Variants in EHMT1 observed in about 807,000 individuals in gnomAD.
EHMT1 encodes the protein histone-lysine N-methyltransferase EHMT1.
In EHMT1, 15 loss-of-function variants were observed where a neutral mutation model predicts 147.2. That is an observed-to-expected ratio of 0.10 (90% confidence interval 0.07 to 0.16). The LOEUF (loss-of-function observed/expected upper bound fraction) is 0.16, where lower values mean the gene tolerates loss of function less well. Ranked by LOEUF, EHMT1 falls within the 10% of genes least tolerant of loss-of-function variation. The pLI, the probability that EHMT1 is intolerant of heterozygous loss-of-function variation, is 1.00. For synonymous variants in EHMT1, 795 were observed against 709.6 expected (o/e 1.12, Z -1.91); for missense variants, 1,587 against 1,772.4 (o/e 0.90, Z 1.88).
rs748761329 is a variant in EHMT1, at chr9:137,762,828, C to A, written c.1647+8C>A. Reference sequence around the variant, plus strand: ...GAGAGCGTGGACCATGAAGTAAGCACGTTTGTTTTCATTTAAAGCAGCCAC... The same window carrying A: ...GAGAGCGTGGACCATGAAGTAAGCAAGTTTGTTTTCATTTAAAGCAGCCAC... On this transcript the variant is annotated splice_region_variant and intron_variant, in intron 10 of 26. Transcript: ENST00000460843. 4 of 1,613,960 alleles carry A rather than the reference C, an allele frequency of 2.5e-6. No individual in the cohort carries two copies. The highest frequency in any genetic ancestry group is 2.2e-5 in the East Asian group (1 of 44,890).
intron 3 of EHMT1, among the ~76,000 whole-genome samples, chr9:137,719,681 C>T (rs1190193782): frequency 6.6e-6 from 1 of 152,228 alleles, no homozygotes; most frequent in African/African-American, 2.4e-5. Flanking sequence ...CAATGTCAGA[C>T]CCAGGATGCT....
chr9:137,759,716 C>T (rs1301594394), intron 9 of EHMT1, among the ~76,000 whole-genome samples: 1 of 152,222 alleles, frequency 6.6e-6, no homozygotes, highest in Non-Finnish European at 1.5e-5. Flanking sequence ...TGATGTAGAT[C>T]ATCAGTGTGT....
chr9:137,711,595 G>T (rs1336968379), intron 2 of EHMT1, among the ~76,000 whole-genome samples: 1 of 152,206 alleles, frequency 6.6e-6, no homozygotes. Context: ...GGAGGGAGTG[G>T]TGTGGAAGCA....
intron 22 of EHMT1, chr9:137,815,733 G>A: frequency 1.7e-6 from 1 of 605,004 alleles, no homozygotes. Context: ...CGCTCCAGGG[G>A]GTCTCCACAA....
At chr9:137,817,665 C>T (rs1383404272) in intron 24 of EHMT1, 140 bp downstream of exon 24, 2 of 1,101,934 alleles carry the variant, frequency 1.8e-6, no homozygotes, top group East Asian at 5.1e-5. Flanking sequence ...CACAGAGACC[C>T]TGGCCCCGAG....
At chr9:137,701,625 ATTTT>A (rs139537570) in intron 1 of EHMT1, among the ~76,000 whole-genome samples, 6 of 115,608 alleles carry the variant, frequency 5.2e-5, no homozygotes, top group African/African-American at 1.1e-4. Context: ...TGCCTGGCTA[ATTTT>A]TTTTTTTTTT....
rs376101802 is a variant in EHMT1, at chr9:137,781,113, A to G, written c.2276-1178A>G. ...GCTGGGATGTGTGGTGATGACGCTG[A>G]GATGTGTGGTGATGACGGCATCACT... is the stretch of plus-strand genomic sequence containing the variant. On this transcript the variant is annotated intron_variant, in intron 14 of 26. Coordinates refer to ENST00000460843, the MANE Select transcript of EHMT1 (RefSeq NM_024757.5). Among the ~76,000 whole-genome samples the G allele has an allele frequency of 3.8e-3, 75 of 19,590 alleles. 4 individuals carry two copies. Among genetic ancestry groups the G allele is most frequent in the African/African-American group, 0.012 (22 of 1,854 alleles). 12.9% of individuals were successfully genotyped at this position (19,590 alleles called of 152,430 possible).
In EHMT1 at chr9:137,743,371, C is replaced by G. The variant is rs772558779; in HGVS notation, c.824C>G (p.Ala275Gly). ...TTTTGACTTTTTTTTTTTTTTTTAG[C>G]TTGCTTGCCTTTTGTTTTAGCAGCT... ...CYMATTKSQT[A>G]CLPFVLAAAV... is the part of the protein sequence containing the mutation. Residue 275 changes from alanine to glycine, a missense_variant and splice_region_variant, in exon 5 of 27, where the codon GCT becomes GGT. By Grantham distance (60) the Ala-to-Gly change is moderately conservative. Transcript: ENST00000460843. 2.0e-6 allele frequency: 3 copies of G among 1,518,894 alleles called. No homozygotes were observed. Among genetic ancestry groups the G allele is most frequent in the Non-Finnish European group, 2.6e-6 (3 of 1,143,312 alleles). 94.1% of individuals were successfully genotyped at this position (1,518,894 alleles called of 1,614,324 possible). A position where few individuals can be genotyped will look rare whatever the true frequency, so the allele number is the denominator to read the frequency against.
At chr9:137,749,677 A>G (rs1280331129) in intron 6 of EHMT1, among the ~76,000 whole-genome samples, 2 of 152,184 alleles carry the variant, frequency 1.3e-5, no homozygotes, top group South Asian at 2.1e-4. Flanking sequence ...TTGATTCCTT[A>G]CAGCTGTCTT....
In EHMT1 at chr9:137,807,440, G is replaced by A. The variant is rs936272835; in HGVS notation, c.2713-4021G>A. 4.6e-5 allele frequency among the ~76,000 whole-genome samples: 7 copies of A among 151,774 alleles called. No individual in the cohort carries two copies. The East Asian group carries it at 5.8e-4, about 13-fold the overall frequency. ...CCTAACATGTTTCTACTTAACTTTC[G>A]AACCTATAGAATACAGTTATACCAA... On this transcript the variant is annotated intron_variant, in intron 18 of 26. Transcript: ENST00000460843.
At chr9:137,811,737 C>G (rs1000757042) in intron 19 of EHMT1, 122 bp downstream of exon 19, 3 of 1,320,432 alleles carry the variant, frequency 2.3e-6, no homozygotes, top group Admixed American at 3.8e-5. Flanking sequence ...TCTGTTCCTT[C>G]GTGTGGAAGT....
rs376424415 is a variant in EHMT1, at chr9:137,725,057, C to T, written c.643-3292C>T. The stretch of plus-strand genomic sequence containing the variant: ...CTTCGTGGGGCATTCGTGGGGCAGG[C>T]GTGTGGCATTTGTGTGGCATTCATG... On this transcript the variant is annotated intron_variant, in intron 3 of 26. Transcript: ENST00000460843. Among the ~76,000 whole-genome samples the T allele has an allele frequency of 5.3e-4, 70 of 132,382 alleles. No individual in the cohort carries two copies. In the Middle Eastern group the frequency reaches 0.026, roughly 49 times the overall value. 86.8% of individuals were successfully genotyped at this position (132,382 alleles called of 152,430 possible).
At chr9:137,684,784 C>A (rs544703155) in intron 1 of EHMT1, among the ~76,000 whole-genome samples, 18 of 152,310 alleles carry the variant, frequency 1.2e-4, no homozygotes, top group African/African-American at 4.3e-4. Context: ...AGCCACCATA[C>A]CCAGCGTACA....
intron 1 of EHMT1, among the ~76,000 whole-genome samples, chr9:137,621,252 T>G (rs1229261420): frequency 2.6e-5 from 4 of 152,230 alleles, no homozygotes; most frequent in Non-Finnish European, 4.4e-5. Context: ...TAGGTAGGCA[T>G]GTGATCACTG....
chr9:137,835,724 AAAAC>A lies in EHMT1; in HGVS notation c.*775_*778del, dbSNP rs1235259987. ...GAACATTAGGACAAACACAAAATAAAAAACAAAACACAGACAACGGTGCTGATTC... is the reference window on the plus strand; with the variant it reads ...GAACATTAGGACAAACACAAAATAAAAAAACACAGACAACGGTGCTGATTC... On this transcript the variant is annotated 3_prime_UTR_variant, in exon 27 of 27. Coordinates refer to ENST00000460843, the MANE Select transcript of EHMT1 (RefSeq NM_024757.5). The A allele has an allele frequency of 2.0e-5, 3 of 152,648 alleles. No homozygotes were observed. The highest frequency in any genetic ancestry group is 4.4e-5 in the Non-Finnish European group (3 of 68,050). The allele number at this position is 152,648 out of a possible 1,614,324, so 9.5% of individuals were successfully genotyped here.
intron 25 of EHMT1, chr9:137,823,512 C>T (rs183778895): frequency 0.013 from 3,797 of 303,572 alleles, 38 homozygotes; most frequent in Middle Eastern, 0.02. Flanking sequence ...CCCGGATTCA[C>T]GCCATTCTCC....
At chr9:137,804,790 T>C (rs988322985) in intron 18 of EHMT1, among the ~76,000 whole-genome samples, 1 of 152,170 alleles carries the variant, frequency 6.6e-6, no homozygotes, top group Non-Finnish European at 1.5e-5. Context: ...TTTTTTTGGC[T>C]TATGGATGCC....
At chr9:137,773,807 C>G (rs1950746198) in intron 10 of EHMT1, among the ~76,000 whole-genome samples, 2 of 152,158 alleles carry the variant, frequency 1.3e-5, no homozygotes, top group Admixed American at 1.3e-4. Flanking sequence ...GTGTAATTTC[C>G]TTTGGGGGGC....
At position 137,828,364 on chromosome 9, in the gene EHMT1, CAT is replaced by C. The variant is rs894828022; in HGVS notation, c.3541-5984_3541-5983del. On this transcript the variant is annotated intron_variant, in intron 25 of 26. Transcript: ENST00000460843. This position sits in a 1 kb window ranked among gnomAD's most constrained non-coding sequence, Gnocchi z 5.3. Reference sequence around the variant, plus strand: ...GGGGGCAGCACATGCCAGGCTGCCACATGTGTGTGTGGCCTCAGGGAGTCTGG... The same window carrying C: ...GGGGGCAGCACATGCCAGGCTGCCACGTGTGTGTGGCCTCAGGGAGTCTGG... 2.3e-4 allele frequency among the ~76,000 whole-genome samples: 35 copies of C among 151,342 alleles called. No homozygotes were observed. Among genetic ancestry groups the C allele is most frequent in the African/African-American group, 7.8e-4 (32 of 41,118 alleles).
Sources: allele counts gnomAD v4.1 joint callset (sites outside exome capture counted in the v4.1 genomes callset), GRCh38; gene constraint gnomAD v4.1.1; non-coding constraint Gnocchi (gnomAD v3.1); transcripts MANE v1.5; gene names NCBI Gene and HGNC (gene_info 2026-07-23, HGNC 2026-07-21).